The following OTOGL variants were observed in gnomAD, a reference collection of about 807,000 sequenced individuals.
OTOGL encodes otogelin like, also known as otogelin-like protein.
In OTOGL, 285 loss-of-function variants were observed where a neutral mutation model predicts 318.5. The observed-to-expected ratio is 0.89, with a 90% confidence interval of 0.81 to 0.99. The LOEUF (loss-of-function observed/expected upper bound fraction) is 0.99, where lower values mean the gene tolerates loss of function less well. Among genes scored for constraint, OTOGL ranks in the 50% least tolerant of loss-of-function variants. The pLI is 0.00. For missense variants in OTOGL, 2,899 were observed against 2,845.6 expected (o/e 1.02, Z -0.43); for synonymous variants, 987 against 936.5 (o/e 1.05, Z -0.99).
intron 9 of OTOGL, among the ~76,000 whole-genome samples, chr12:80,233,504 G>A (rs1409682344): frequency 6.6e-6 from 1 of 152,098 alleles, no homozygotes; most frequent in African/African-American, 2.4e-5. Context: ...AACTATTTTT[G>A]TATCCCTTCT....
chr12:80,285,968 T>G (rs1400002411), intron 26 of OTOGL, among the ~76,000 whole-genome samples: 1 of 152,242 alleles, frequency 6.6e-6, no homozygotes, highest in African/African-American at 2.4e-5. Flanking sequence ...AAGGGAATGC[T>G]TCCAGTTTTT....
At chr12:80,327,949 A>C (rs1020079790) in intron 35 of OTOGL, among the ~76,000 whole-genome samples, 5 of 99,862 alleles carry the variant, frequency 5.0e-5, no homozygotes, top group African/African-American at 1.7e-4. Context: ...ACAGAGCGAG[A>C]CTCTGTCTCA....
chr12:80,140,906 A>G (rs1871891608), intron 1 of OTOGL, among the ~76,000 whole-genome samples: 1 of 152,176 alleles, frequency 6.6e-6, no homozygotes, highest in South Asian at 2.1e-4. Context: ...TCCCACATTT[A>G]TGAAATAAGT....
rs1022469404 is a variant in OTOGL at position 80,238,929 on chromosome 12, C to T, written c.896C>T (p.Thr299Ile). ...CCAGATGACACCAAATGTGTACTCA[C>T]ACCCTCAGATTTTCCAAATCCGTGC... is the stretch of plus-strand genomic sequence containing the variant. The part of the protein sequence containing the change: ...QTPDDTKCVL[T>I]PSDFPNPCSS... Residue 299 changes from threonine (T) to isoleucine (I), a missense_variant, in exon 10 of 59, where the codon ACA (threonine) becomes ATA (isoleucine). Physicochemically the swap from Thr to Ile is moderately conservative, Grantham distance 89 (BLOSUM62 -1). Coordinates refer to ENST00000547103, the MANE Select transcript of OTOGL (RefSeq NM_001378609.3). 3.8e-6 allele frequency: 6 copies of T among 1,596,234 alleles called. No individual in the cohort carries two copies. The highest frequency in any genetic ancestry group is 3.4e-6 in the Non-Finnish European group (4 of 1,178,324).
chr12:80,289,851 C>T (rs1259382730), intron 26 of OTOGL, among the ~76,000 whole-genome samples: 1 of 152,170 alleles, frequency 6.6e-6, no homozygotes, highest in African/African-American at 2.4e-5. Flanking sequence ...GTGGGACCCG[C>T]TGAGTGAGAC....
chr12:80,130,783 A>G (rs138043456), intron 1 of OTOGL, among the ~76,000 whole-genome samples: 1 of 152,336 alleles, frequency 6.6e-6, no homozygotes, highest in Admixed American at 6.5e-5. Context: ...TGTTTTCATC[A>G]CATGAATCTA....
chr12:80,128,685 C>T lies in OTOGL; in HGVS notation c.-20+29080C>T, dbSNP rs138929167. On this transcript the variant is annotated intron_variant, in intron 1 of 58. Coordinates refer to ENST00000547103, the MANE Select transcript of OTOGL (RefSeq NM_001378609.3). ...GGCCTCCATGAGCTGTGGTAGGCTC[C>T]ACCTAGTTCGAGCTTCCTGGCTGCT... 2.4e-4 allele frequency among the ~76,000 whole-genome samples: 37 copies of T among 152,316 alleles called. No individual in the cohort carries two copies. In the East Asian group the frequency reaches 6.8e-3, roughly 28 times the overall value.
chr12:80,311,623 T>A (rs781344258), intron 30 of OTOGL, among the ~76,000 whole-genome samples: 2 of 152,130 alleles, frequency 1.3e-5, no homozygotes, highest in Non-Finnish European at 2.9e-5. Flanking sequence ...GCCAGGCTGG[T>A]CTGGAACTCC....
chr12:80,256,755 C>G (rs143972946), intron 17 of OTOGL, among the ~76,000 whole-genome samples: 14 of 152,104 alleles, frequency 9.2e-5, no homozygotes, highest in African/African-American at 3.1e-4. Context: ...TTTGGGGAGT[C>G]TAAATGAGGT....
Position 80,256,469 on chromosome 12 carries a change from C to T in OTOGL, c.1711+9C>T. 1 of 1,570,868 alleles carries T rather than the reference C, an allele frequency of 6.4e-7. No homozygotes were observed. The highest frequency in any genetic ancestry group is 1.1e-5 in the South Asian group (1 of 87,116). On this transcript the variant is annotated intron_variant, in intron 17 of 58. Transcript: ENST00000547103. Reference sequence around the variant, plus strand: ...AGGCTTCAACCTGAATGGTAAGAAACAGTGCTAATGGTGTACTTTCTTTAC... The same window carrying T: ...AGGCTTCAACCTGAATGGTAAGAAATAGTGCTAATGGTGTACTTTCTTTAC...
chr12:80,150,703 C>T (rs1282840136), intron 1 of OTOGL, among the ~76,000 whole-genome samples: 1 of 152,192 alleles, frequency 6.6e-6, no homozygotes, highest in Non-Finnish European at 1.5e-5. Context: ...TGGATCATGA[C>T]TGAAGGGCAA....
chr12:80,356,032 T>G, intron 47 of OTOGL, 84 bp downstream of exon 47: 1 of 1,417,240 alleles, frequency 7.1e-7, no homozygotes. Context: ...TATATAATGC[T>G]TTGTATTTTT....
At chr12:80,221,411 C>T (rs900729039) in intron 6 of OTOGL, among the ~76,000 whole-genome samples, 10 of 151,874 alleles carry the variant, frequency 6.6e-5, no homozygotes, top group African/African-American at 2.2e-4. Context: ...ATTACAGATG[C>T]GTGCCACCCC....
chr12:80,352,216 C>A, intron 44 of OTOGL, 79 bp from the exon 45 acceptor site: 1 of 1,292,796 alleles, frequency 7.7e-7, no homozygotes, highest in Non-Finnish European at 1.1e-6. Context: ...CTTTGATTCT[C>A]CAAATAATCT....
intron 1 of OTOGL, among the ~76,000 whole-genome samples, chr12:80,154,802 A>G (rs1164286648): frequency 6.6e-6 from 1 of 152,166 alleles, no homozygotes; most frequent in Non-Finnish European, 1.5e-5. Context: ...AGTGCTAAGG[A>G]GTGTGATTGC....
chr12:80,318,286 G>A (rs796869385), intron 32 of OTOGL, among the ~76,000 whole-genome samples: 11 of 152,186 alleles, frequency 7.2e-5, no homozygotes, highest in African/African-American at 2.6e-4. Flanking sequence ...AATACACTGA[G>A]TGCAGTAAGA....
chr12:80,250,758 G>T (rs1246058496), intron 11 of OTOGL, among the ~76,000 whole-genome samples: 4 of 152,174 alleles, frequency 2.6e-5, no homozygotes, highest in Admixed American at 6.5e-5. Flanking sequence ...CTCACAAAAT[G>T]CAGCATTCTT....
At chr12:80,206,651 A>G (rs1876831135) in intron 1 of OTOGL, among the ~76,000 whole-genome samples, 1 of 151,166 alleles carries the variant, frequency 6.6e-6, no homozygotes, top group Non-Finnish European at 1.5e-5. Context: ...CTGGGACTAC[A>G]GGAGCATGCT....
At chr12:80,108,908 A>G (rs1042724713) in intron 1 of OTOGL, among the ~76,000 whole-genome samples, 5 of 128,048 alleles carry the variant, frequency 3.9e-5, no homozygotes, top group Admixed American at 1.7e-4. Context: ...ATATATGTGT[A>G]TATATATGTG....
Sources: allele counts gnomAD v4.1 joint callset (sites outside exome capture counted in the v4.1 genomes callset), GRCh38; gene constraint gnomAD v4.1.1; transcripts MANE v1.5; gene names NCBI Gene and HGNC (gene_info 2026-07-23, HGNC 2026-07-21).